Variants in LARGE1 observed in about 807,000 individuals in gnomAD.
LARGE1 encodes LARGE xylosyl- and glucuronyltransferase 1.
Under a neutral mutation model 87.6 loss-of-function variants are expected in LARGE1, and 43 were observed. That is an observed-to-expected ratio of 0.49 (90% CI 0.38 to 0.63). The LOEUF is 0.63. Ranked by LOEUF, LARGE1 falls within the 30% of genes least tolerant of loss-of-function variation. The pLI, the probability that LARGE1 is intolerant of heterozygous loss-of-function variation, is 0.00. For synonymous variants in LARGE1, 434 were observed against 394.6 expected, an observed-to-expected ratio of 1.10 and a Z score of -1.18; for missense variants, 802 against 1,000.2, an observed-to-expected ratio of 0.80 and a Z score of 2.67.
chr22:33,681,249 C>T (rs2081761632), intron 2 of LARGE1, among the ~76,000 whole-genome samples: 1 of 152,076 alleles, frequency 6.6e-6, no homozygotes, highest in South Asian at 2.1e-4. Flanking sequence ...AGTTGTCACC[C>T]CAAAACATTT....
intron 5 of LARGE1, among the ~76,000 whole-genome samples, chr22:33,586,053 G>C (rs1374716749): frequency 6.6e-6 from 1 of 152,208 alleles, no homozygotes; most frequent in East Asian, 1.9e-4. Flanking sequence ...AGTTTGGGTT[G>C]GATCACGTTA....
At chr22:33,335,872 T>C (rs1938379162) in intron 10 of LARGE1, among the ~76,000 whole-genome samples, 1 of 152,242 alleles carries the variant, frequency 6.6e-6, no homozygotes, top group Admixed American at 6.5e-5. Context: ...CACTAATATA[T>C]TGCTATGTAG....
the LARGE1 span, among the ~76,000 whole-genome samples, chr22:33,096,655 C>T: frequency 6.6e-6 from 1 of 151,194 alleles, no homozygotes; most frequent in East Asian, 2.0e-4. Flanking sequence ...AGCTCCTCCT[C>T]CCGGGTTCAC....
At chr22:33,722,225 C>G (rs1359404882) in intron 2 of LARGE1, among the ~76,000 whole-genome samples, 1 of 138,604 alleles carries the variant, frequency 7.2e-6, no homozygotes, top group Admixed American at 7.6e-5. Flanking sequence ...TGCCCTCTAG[C>G]CTGGGAGGGA....
chr22:33,672,451 G>A (rs2149268655), intron 2 of LARGE1, among the ~76,000 whole-genome samples: 1 of 152,282 alleles, frequency 6.6e-6, no homozygotes, highest in East Asian at 1.9e-4. Flanking sequence ...AAGTCTGTGA[G>A]AAAGACTTTC....
At chr22:33,576,750 T>C (rs981309212) in intron 5 of LARGE1, among the ~76,000 whole-genome samples, 1 of 152,204 alleles carries the variant, frequency 6.6e-6, no homozygotes, top group Non-Finnish European at 1.5e-5. Context: ...TAAATAAGTG[T>C]AGTATTTGCA....
intron 2 of LARGE1, among the ~76,000 whole-genome samples, chr22:33,703,917 G>C (rs2082477507): frequency 6.6e-6 from 1 of 152,220 alleles, no homozygotes; most frequent in Non-Finnish European, 1.5e-5. Context: ...GTGTCTTCCA[G>C]AATGTTAAGG....
rs912768894 is a variant in LARGE1 at position 33,852,664 on chromosome 22, C to G, written c.-83+67331G>C. Among the ~76,000 whole-genome samples the G allele has an allele frequency of 3.3e-5, 5 of 151,812 alleles. 1 individual carries two copies. The highest frequency in any genetic ancestry group is 1.2e-4 in the African/African-American group (5 of 41,436). ...GAGTTCGAGACCAGCCTGGGCAACA[C>G]AGTGAAATCCCGTCTCTACTAAAAA... On this transcript the variant is annotated intron_variant, in intron 1 of 14. Coordinates refer to ENST00000397394, the MANE Select transcript of LARGE1 (RefSeq NM_133642.5).
At chr22:33,801,680 C>A (rs1022209342) in intron 1 of LARGE1, among the ~76,000 whole-genome samples, 3 of 152,184 alleles carry the variant, frequency 2.0e-5, no homozygotes, top group African/African-American at 4.8e-5. Flanking sequence ...GATTCTCCTA[C>A]AAAGCCACAT....
At chr22:33,175,241 G>T (rs1342235481) in intron 11 of LARGE1, among the ~76,000 whole-genome samples, 3 of 152,090 alleles carry the variant, frequency 2.0e-5, no homozygotes, top group African/African-American at 7.2e-5. Context: ...AGACAAGGAT[G>T]CCCTCTCTCA....
At position 33,274,480 on chromosome 22, in the gene LARGE1, G is replaced by A. The variant is rs1928771143; in HGVS notation, c.2218C>T (p.Arg740Cys). The A allele has an allele frequency of 6.2e-7, 1 of 1,614,144 alleles. No homozygotes were observed. Among genetic ancestry groups the A allele is most frequent in the Non-Finnish European group, 8.5e-7 (1 of 1,180,022 alleles). The change falls in exon 15 of 15, where the codon CGC becomes TGC. Residue 740 changes from arginine to cysteine, a missense_variant. Physicochemically the swap from Arg to Cys is radical, Grantham distance 180. This residue lies in a region of LARGE1 where 625 missense variants were observed against 841.9 expected (regional missense o/e 0.74). Transcript: ENST00000397394. ...LKEEFQQDMS[R>C]RYGFAALKYL... ...TTCAGGGCAGCAAAGCCGTAGCGGC[G>A]GGACATGTCCTGCTGAAACTCTTCC...
chr22:33,848,768 G>A (rs530079558), intron 1 of LARGE1, among the ~76,000 whole-genome samples: 19 of 152,338 alleles, frequency 1.2e-4, no homozygotes, highest in Admixed American at 1.0e-3. Flanking sequence ...GAGGGCCTCT[G>A]AGGCAGAGAG....
At chr22:33,173,515 C>T (rs1376629417) in intron 11 of LARGE1, among the ~76,000 whole-genome samples, 1 of 152,040 alleles carries the variant, frequency 6.6e-6, no homozygotes, top group East Asian at 1.9e-4. Flanking sequence ...TGTAAATGGA[C>T]TAAATGCCCC....
chr22:33,107,142 C>G, the LARGE1 span, among the ~76,000 whole-genome samples: 1 of 152,360 alleles, frequency 6.6e-6, no homozygotes, highest in East Asian at 1.9e-4. Flanking sequence ...GATACTCTCT[C>G]TCTCAGATTC....
the LARGE1 span, among the ~76,000 whole-genome samples, chr22:33,078,176 T>G: frequency 6.6e-6 from 1 of 152,238 alleles, no homozygotes; most frequent in Admixed American, 6.5e-5. Flanking sequence ...GTGCTTTTGC[T>G]GATTGCTGTT....
intron 2 of LARGE1, among the ~76,000 whole-genome samples, chr22:33,730,978 A>C (rs949858259): frequency 2.7e-5 from 4 of 148,314 alleles, no homozygotes; most frequent in African/African-American, 5.0e-5. Context: ...TACAGGCGTG[A>C]ACCACTGCGC....
chr22:33,499,468 G>C (rs1230463696), intron 6 of LARGE1, among the ~76,000 whole-genome samples: 1 of 152,174 alleles, frequency 6.6e-6, no homozygotes, highest in Non-Finnish European at 1.5e-5. Flanking sequence ...CTTCCTCTCT[G>C]AGAAATGAAA....
At chr22:33,733,938 A>G (rs192629290) in intron 2 of LARGE1, among the ~76,000 whole-genome samples, 2 of 152,326 alleles carry the variant, frequency 1.3e-5, no homozygotes, top group Admixed American at 1.3e-4. Context: ...TGGCTTACAC[A>G]ATAGAAATGT....
At chr22:33,513,708 G>A (rs1353964672) in intron 6 of LARGE1, among the ~76,000 whole-genome samples, 1 of 152,004 alleles carries the variant, frequency 6.6e-6, no homozygotes, top group Non-Finnish European at 1.5e-5. Flanking sequence ...TCTAATCCCG[G>A]AACGCTCCCA....
Sources: allele counts gnomAD v4.1 joint callset (sites outside exome capture counted in the v4.1 genomes callset), GRCh38; gene constraint gnomAD v4.1.1; regional missense constraint gnomAD v4.1.1; transcripts MANE v1.5; gene names NCBI Gene and HGNC (gene_info 2026-07-23, HGNC 2026-07-21).